Variants in VPS13B observed in about 807,000 individuals in gnomAD.
The protein encoded by VPS13B is intermembrane lipid transfer protein VPS13B.
In VPS13B, 285 loss-of-function variants were observed where a neutral mutation model predicts 426.4. The ratio of observed to expected loss-of-function variants is 0.67; its 90% confidence interval spans 0.61 to 0.74. The LOEUF is 0.74. VPS13B is among the 30% of genes least tolerant of loss of function. VPS13B has a pLI of 0.00. For missense variants in VPS13B, 4,537 were observed against 4,782.6 expected (o/e 0.95, Z 1.51); for synonymous variants, 1,676 against 1,676.4 (o/e 1.00, Z 0.01).
chr8:99,415,734 A>G (rs999007757), intron 21 of VPS13B, among the ~76,000 whole-genome samples: 10 of 152,180 alleles, frequency 6.6e-5, no homozygotes, highest in African/African-American at 2.4e-4. Context: ...CCTGGGTATC[A>G]CCAGCAGAGG....
intron 17 of VPS13B, among the ~76,000 whole-genome samples, chr8:99,273,204 G>A (rs1818692143): frequency 6.7e-6 from 1 of 150,140 alleles, no homozygotes; most frequent in Non-Finnish European, 1.5e-5. Context: ...CTGTCGCTAG[G>A]CTGGAGTGCA....
chr8:99,785,756 C>CA (rs1018527921), intron 43 of VPS13B, among the ~76,000 whole-genome samples: 2 of 151,920 alleles, frequency 1.3e-5, no homozygotes, highest in African/African-American at 4.8e-5. Context: ...CAAAACCAAA[C>CA]AAAAAACACC....
At chr8:99,730,474 G>A (rs1833548747) in intron 39 of VPS13B, among the ~76,000 whole-genome samples, 1 of 152,214 alleles carries the variant, frequency 6.6e-6, no homozygotes, top group Non-Finnish European at 1.5e-5. Flanking sequence ...AAAATAGAGT[G>A]TTCCCTGAAT....
rs1842590890 is a variant in VPS13B at position 99,032,990 on chromosome 8, G to T, written c.148-5433G>T. Among the ~76,000 whole-genome samples, 5 of 152,080 alleles carry T rather than the reference G, an allele frequency of 3.3e-5. 1 individual carries two copies. In the South Asian group the frequency reaches 1.0e-3, roughly 32 times the overall value. On this transcript the variant is annotated intron_variant, in intron 2 of 61. Coordinates refer to ENST00000357162, the MANE Select transcript of VPS13B (RefSeq NM_152564.5). The stretch of plus-strand genomic sequence containing the variant: ...TTCTTCTGCTGCTTGTGCTGTTATT[G>T]TCACATATATTGCATCTTGTTAAAA...
At chr8:99,139,223 C>T (rs915912450) in intron 12 of VPS13B, among the ~76,000 whole-genome samples, 3 of 152,128 alleles carry the variant, frequency 2.0e-5, no homozygotes, top group African/African-American at 7.2e-5. Flanking sequence ...TTTTCTACCA[C>T]ACTCTGCCTC....
chr8:99,513,225 C>T (rs1821886929), intron 29 of VPS13B, among the ~76,000 whole-genome samples: 1 of 151,536 alleles, frequency 6.6e-6, no homozygotes, highest in South Asian at 2.1e-4. Flanking sequence ...ACTTGAGTTC[C>T]TGTATTTCAT....
intron 43 of VPS13B, among the ~76,000 whole-genome samples, chr8:99,798,552 T>C (rs932768667): frequency 1.3e-5 from 2 of 152,190 alleles, no homozygotes; most frequent in African/African-American, 4.8e-5. Flanking sequence ...AGGATTGTGA[T>C]AGGGTCCTTT....
intron 33 of VPS13B, among the ~76,000 whole-genome samples, chr8:99,580,475 G>A (rs1477416162): frequency 6.6e-6 from 1 of 151,780 alleles, no homozygotes; most frequent in East Asian, 1.9e-4. Flanking sequence ...TTACAGGTGT[G>A]AGCCACCACA....
In VPS13B at chr8:99,823,037, G is replaced by C. The variant is rs530411757; in HGVS notation, c.9184-795G>C. Among the ~76,000 whole-genome samples, 3 of 152,272 alleles carry C rather than the reference G, an allele frequency of 2.0e-5. No individual in the cohort carries two copies. The South Asian group carries it at 6.2e-4, about 32-fold the overall frequency. On this transcript the variant is annotated intron_variant, in intron 50 of 61. Transcript: ENST00000357162. ...ACCAGTGTTCTGATACTATTAACTA[G>C]ATGGGTATGTTTAAGCAAGAAACAT...
At chr8:99,533,582 A>C (rs900226283) in intron 30 of VPS13B, among the ~76,000 whole-genome samples, 9 of 152,228 alleles carry the variant, frequency 5.9e-5, no homozygotes, top group African/African-American at 1.4e-4. Context: ...ATACTTTAAC[A>C]GTTGAAAATT....
intron 30 of VPS13B, among the ~76,000 whole-genome samples, chr8:99,540,042 TA>T (rs1823500081): frequency 2.6e-4 from 1 of 3,844 alleles, no homozygotes; most frequent in Non-Finnish European, 7.0e-4. Context: ...TATATATATA[TA>T]TATATATATA....
chr8:99,550,577 G>C (rs1034433932), intron 30 of VPS13B, among the ~76,000 whole-genome samples: 2 of 150,556 alleles, frequency 1.3e-5, no homozygotes, highest in African/African-American at 2.4e-5. Context: ...TCTATTTTTG[G>C]CTTTGTTGAT....
In VPS13B at chr8:99,298,659, T is replaced by A. The variant is rs1332755908; in HGVS notation, c.2824+23405T>A. Among the ~76,000 whole-genome samples the A allele has an allele frequency of 2.0e-5, 3 of 152,348 alleles. No homozygotes were observed. The East Asian group carries it at 5.8e-4, about 29-fold the overall frequency. ...AATGCTTTAATTCTACTCTCAAGTA[T>A]CTTGTAAATCATTTCTTTAGTTTCA... On this transcript the variant is annotated intron_variant, in intron 19 of 61. Transcript: ENST00000357162.
chr8:99,421,234 A>G (rs1429594345), intron 21 of VPS13B, among the ~76,000 whole-genome samples: 1 of 152,192 alleles, frequency 6.6e-6, no homozygotes, highest in East Asian at 1.9e-4. Flanking sequence ...AATTGTTGAT[A>G]TGTTATTTTA....
At chr8:99,677,867 A>G (rs1333584775) in intron 35 of VPS13B, among the ~76,000 whole-genome samples, 1 of 152,108 alleles carries the variant, frequency 6.6e-6, no homozygotes, top group Non-Finnish European at 1.5e-5. Flanking sequence ...GATAAAGAAC[A>G]TTTTCTGGCT....
chr8:99,767,910 C>A (rs1313748738), intron 40 of VPS13B, among the ~76,000 whole-genome samples: 1 of 152,106 alleles, frequency 6.6e-6, no homozygotes, highest in Non-Finnish European at 1.5e-5. Flanking sequence ...GCCTGGGTGA[C>A]AAAGCAAGAC....
At chr8:99,344,522 A>C (rs1811430143) in intron 19 of VPS13B, among the ~76,000 whole-genome samples, 2 of 152,206 alleles carry the variant, frequency 1.3e-5, no homozygotes. Flanking sequence ...CTAAAGTAGC[A>C]GTACCACATT....
At chr8:99,244,578 T>G (rs553098981) in intron 17 of VPS13B, among the ~76,000 whole-genome samples, 1 of 152,352 alleles carries the variant, frequency 6.6e-6, no homozygotes, top group East Asian at 1.9e-4. Context: ...CCTATGCATT[T>G]AAAAAAGTTA....
chr8:99,615,656 A>C (rs1358604900), intron 33 of VPS13B, among the ~76,000 whole-genome samples: 1 of 152,204 alleles, frequency 6.6e-6, no homozygotes, highest in Non-Finnish European at 1.5e-5. Flanking sequence ...ATTCTCCATT[A>C]ATCTGAACTA....
Sources: allele counts gnomAD v4.1 joint callset (sites outside exome capture counted in the v4.1 genomes callset), GRCh38; gene constraint gnomAD v4.1.1; transcripts MANE v1.5; gene names NCBI Gene and HGNC (gene_info 2026-07-23, HGNC 2026-07-21).